The following CCSER1 variants were observed in gnomAD, a reference collection of about 807,000 sequenced individuals.
The protein encoded by CCSER1 is coiled-coil serine rich protein 1, also known as serine-rich coiled-coil domain-containing protein 1.
CCSER1 carries 41 observed loss-of-function variants against 82.0 expected under a neutral mutation model. The ratio of observed to expected loss-of-function variants is 0.50; its 90% CI spans 0.39 to 0.65. The LOEUF is 0.65. Among genes scored for constraint, CCSER1 ranks in the 30% least tolerant of loss-of-function variants. CCSER1 has a pLI of 0.00. For missense variants in CCSER1, 1,119 were observed against 1,064.2 expected, an observed-to-expected ratio of 1.05 and a Z score of -0.72; for synonymous variants, 414 against 383.9, an observed-to-expected ratio of 1.08 and a Z score of -0.92.
rs994265571 is a variant in CCSER1, at chr4:91,603,495, A to T, written c.*4438A>T. ...GTGGAGAATTTCCTACAAATAGTTA[A>T]GGTGAAATAAAATCATTAATAGAGA... On this transcript the variant is annotated 3_prime_UTR_variant, in exon 11 of 11. Coordinates refer to ENST00000509176, the MANE Select transcript of CCSER1 (RefSeq NM_001145065.2). 6.6e-6 allele frequency: 1 copy of T among 152,128 alleles called. No homozygotes were observed. The highest frequency in any genetic ancestry group is 2.4e-5 in the African/African-American group (1 of 41,452). 9.4% of individuals were successfully genotyped at this position (152,128 alleles called of 1,614,324 possible). A position where few individuals can be genotyped will look rare whatever the true frequency, so the allele number is the denominator to read the frequency against.
At chr4:90,382,623 A>G (rs1387853379) in intron 3 of CCSER1, among the ~76,000 whole-genome samples, 1 of 152,132 alleles carries the variant, frequency 6.6e-6, no homozygotes, top group African/African-American at 2.4e-5. Flanking sequence ...ATTCTAATTT[A>G]CAAGAAAAAT....
chr4:91,223,334 AT>A (rs1737899557), intron 10 of CCSER1, among the ~76,000 whole-genome samples: 1 of 152,170 alleles, frequency 6.6e-6, no homozygotes, highest in South Asian at 2.1e-4. Flanking sequence ...GTCAAAACAC[AT>A]AAACATGTAG....
rs145293474 is a variant in CCSER1, at chr4:90,130,628, T to G, written c.-42+2797T>G. On this transcript the variant is annotated intron_variant, in intron 1 of 10. Transcript: ENST00000509176. Reference sequence around the variant, plus strand: ...TCCTTCTACACATTCTATTCTTTTTTTTTGTTTGTTTCTGAGATGGATTTT... The same window carrying G: ...TCCTTCTACACATTCTATTCTTTTTGTTTGTTTGTTTCTGAGATGGATTTT... Among the ~76,000 whole-genome samples the G allele has an allele frequency of 5.2e-3, 788 of 152,266 alleles. 10 individuals carry two copies. The highest frequency in any genetic ancestry group is 0.015 in the African/African-American group (626 of 41,554).
intron 3 of CCSER1, among the ~76,000 whole-genome samples, chr4:90,391,275 AAAAAAAAAAAAG>A: frequency 7.4e-6 from 1 of 135,358 alleles, no homozygotes; most frequent in East Asian, 2.2e-4. Flanking sequence ...TCTGTCTCAA[AAAAAAAAAAAAG>A]AAAAAAAAAG....
intron 10 of CCSER1, among the ~76,000 whole-genome samples, chr4:91,092,446 T>C (rs62312176): frequency 0.2 from 30,851 of 152,140 alleles, 3,539 homozygotes; most frequent in African/African-American, 0.29. Context: ...GTGAAGTCCA[T>C]TTGAAGATCT....
Position 91,599,323 on chromosome 4 carries a change from G to C in CCSER1, c.*266G>C, listed in dbSNP as rs140819001. ...TATAATAAATGGGACCATCATGATC[G>C]TTTATATAGTCCATAATTTATTTAT... On this transcript the variant is annotated 3_prime_UTR_variant, in exon 11 of 11. Coordinates refer to ENST00000509176, the MANE Select transcript of CCSER1 (RefSeq NM_001145065.2). 2 of 318,610 alleles carry C rather than the reference G, an allele frequency of 6.3e-6. No homozygotes were observed. The highest frequency in any genetic ancestry group is 1.1e-5 in the Non-Finnish European group (2 of 173,958). The allele number at this position is 318,610 out of a possible 1,614,324, so 19.7% of individuals were successfully genotyped here. A position where few individuals can be genotyped will look rare whatever the true frequency, so the allele number is the denominator to read the frequency against.
At chr4:91,227,463 T>C (rs1426584919) in intron 10 of CCSER1, among the ~76,000 whole-genome samples, 3 of 151,868 alleles carry the variant, frequency 2.0e-5, no homozygotes, top group Non-Finnish European at 4.4e-5. Flanking sequence ...TGTGTGTATG[T>C]GTATGAAGAC....
intron 9 of CCSER1, among the ~76,000 whole-genome samples, chr4:90,954,910 A>G (rs902889659): frequency 3.9e-5 from 6 of 152,124 alleles, no homozygotes; most frequent in Admixed American, 3.9e-4. Context: ...TTCTATATAC[A>G]TGTATGCCCT....
intron 3 of CCSER1, among the ~76,000 whole-genome samples, chr4:90,392,486 A>C (rs1380606002): frequency 1.3e-5 from 2 of 152,126 alleles, no homozygotes; most frequent in African/African-American, 4.8e-5. Flanking sequence ...AAGAGGAAGA[A>C]TGAAAAATTC....
At chr4:91,584,591 C>CT (rs1763896771) in intron 10 of CCSER1, among the ~76,000 whole-genome samples, 1 of 151,236 alleles carries the variant, frequency 6.6e-6, no homozygotes, top group African/African-American at 2.4e-5. Flanking sequence ...TAGGGAAATA[C>CT]TAGTAAAAGT....
intron 7 of CCSER1, among the ~76,000 whole-genome samples, chr4:90,762,513 C>G (rs894699553): frequency 7.9e-5 from 12 of 152,152 alleles, no homozygotes; most frequent in African/African-American, 2.9e-4. Flanking sequence ...ACTGCCTTCT[C>G]TCTGTCTTCT....
intron 7 of CCSER1, among the ~76,000 whole-genome samples, chr4:90,786,054 C>T (rs532701559): frequency 1.3e-5 from 2 of 152,108 alleles, no homozygotes; most frequent in East Asian, 1.9e-4. Context: ...TCTTTTACTC[C>T]GTAGCTACAG....
intron 10 of CCSER1, among the ~76,000 whole-genome samples, chr4:91,445,360 T>A (rs1252082468): frequency 6.6e-6 from 1 of 152,038 alleles, no homozygotes; most frequent in African/African-American, 2.4e-5. Context: ...AGAGAGATAT[T>A]TGGCCAACTA....
intron 10 of CCSER1, among the ~76,000 whole-genome samples, chr4:91,388,472 A>AT (rs1255146336): frequency 6.6e-6 from 1 of 152,110 alleles, no homozygotes; most frequent in Non-Finnish European, 1.5e-5. Context: ...ACTTTGTAAG[A>AT]AACTGAAAAA....
At chr4:90,281,134 G>A (rs1447623871) in intron 1 of CCSER1, among the ~76,000 whole-genome samples, 3 of 151,994 alleles carry the variant, frequency 2.0e-5, no homozygotes, top group Non-Finnish European at 4.4e-5. Context: ...ATGAGATAAT[G>A]TCCTTTGCAG....
intron 2 of CCSER1, among the ~76,000 whole-genome samples, chr4:90,310,731 C>T (rs1735143458): frequency 6.6e-6 from 1 of 151,998 alleles, no homozygotes; most frequent in African/African-American, 2.4e-5. Flanking sequence ...CTCTGGCTCT[C>T]CATAACTATG....
intron 10 of CCSER1, among the ~76,000 whole-genome samples, chr4:91,155,146 G>C (rs1051474650): frequency 6.6e-6 from 1 of 151,802 alleles, no homozygotes; most frequent in Admixed American, 6.6e-5. Flanking sequence ...ATGTGATATG[G>C]TTTGGCTCTG....
At chr4:90,757,414 A>G (rs960810613) in intron 7 of CCSER1, among the ~76,000 whole-genome samples, 3 of 152,320 alleles carry the variant, frequency 2.0e-5, no homozygotes, top group South Asian at 2.1e-4. Flanking sequence ...ATATCTCTCA[A>G]TCTTCTGATT....
chr4:90,207,960 CAG>C (rs1477213647), intron 1 of CCSER1, among the ~76,000 whole-genome samples: 2 of 152,156 alleles, frequency 1.3e-5, no homozygotes, highest in African/African-American at 4.8e-5. Flanking sequence ...GTCTCCCAGT[CAG>C]GGGGAATGGG....
Sources: gnomAD v4.1 joint callset for allele counts (sites outside exome capture counted in the v4.1 genomes callset) on GRCh38, gnomAD v4.1.1 for gene constraint, MANE v1.5 for transcripts, NCBI Gene and HGNC (gene_info 2026-07-23, HGNC 2026-07-21) for gene names.